The following MGAT4C variants were observed in gnomAD, a reference collection of about 807,000 sequenced individuals.
MGAT4C encodes MGAT4 family member C, also known as alpha-1,3-mannosyl-glycoprotein 4-beta-N-acetylglucosaminyltransferase C.
In MGAT4C, 19 loss-of-function variants were observed where a neutral mutation model predicts 40.1. That is an observed-to-expected ratio of 0.47 (90% CI 0.33 to 0.70). The LOEUF is 0.70. Among genes scored for constraint, MGAT4C ranks in the 30% least tolerant of loss-of-function variants. MGAT4C has a pLI of 0.02. For synonymous variants in MGAT4C, 181 were observed against 187.1 expected, an observed-to-expected ratio of 0.97 and a Z score of 0.27; for missense variants, 491 against 563.2, an observed-to-expected ratio of 0.87 and a Z score of 1.30.
intron 2 of MGAT4C, among the ~76,000 whole-genome samples, chr12:86,040,864 C>T (rs559966044): frequency 6.6e-6 from 1 of 152,284 alleles, no homozygotes; most frequent in Admixed American, 6.5e-5. Flanking sequence ...TTGCGAAAAC[C>T]ATGGGAAAGC....
chr12:86,494,841 A>T (rs1274145329), intron 2 of MGAT4C, among the ~76,000 whole-genome samples: 1 of 152,088 alleles, frequency 6.6e-6, no homozygotes, highest in African/African-American at 2.4e-5. Flanking sequence ...AGTAAAACAT[A>T]AAGTGTTCTT....
intron 2 of MGAT4C, among the ~76,000 whole-genome samples, chr12:86,648,405 T>C (rs1593077550): frequency 6.6e-6 from 1 of 151,888 alleles, no homozygotes; most frequent in African/African-American, 2.4e-5. Flanking sequence ...TGTAATATTA[T>C]TTGGTGATGG....
intron 2 of MGAT4C, among the ~76,000 whole-genome samples, chr12:86,485,542 G>T (rs756192660): frequency 6.6e-6 from 1 of 151,998 alleles, no homozygotes; most frequent in Admixed American, 6.6e-5. Flanking sequence ...ATAAAGAAAA[G>T]AAATTTAATG....
chr12:86,604,223 C>T (rs1317760852), intron 2 of MGAT4C, among the ~76,000 whole-genome samples: 1 of 152,052 alleles, frequency 6.6e-6, no homozygotes, highest in East Asian at 1.9e-4. Flanking sequence ...AGAAGTTGGG[C>T]TTGGGAGAAC....
Position 86,210,201 on chromosome 12 carries a change from C to T in MGAT4C, c.-57+46038G>A, listed in dbSNP as rs150978235. Among the ~76,000 whole-genome samples the T allele has an allele frequency of 2.1e-4, 32 of 152,142 alleles. No individual in the cohort carries two copies. In the East Asian group the frequency reaches 3.5e-3, roughly 17 times the overall value. ...AGATACATATAGTAGTTTTTTTCAA[C>T]GGATATTCCATAATCAAGTTGTGGT... is the stretch of plus-strand genomic sequence containing the variant. On this transcript the variant is annotated intron_variant, in intron 1 of 4. Coordinates refer to ENST00000611864, the MANE Select transcript of MGAT4C (RefSeq NM_001351288.2).
At chr12:86,118,174 G>T (rs1878743186) in intron 1 of MGAT4C, among the ~76,000 whole-genome samples, 1 of 151,624 alleles carries the variant, frequency 6.6e-6, no homozygotes, top group South Asian at 2.1e-4. Flanking sequence ...TCCTAGTGTA[G>T]CTGGACACTG....
intron 2 of MGAT4C, among the ~76,000 whole-genome samples, chr12:86,521,283 C>T (rs947004442): frequency 9.2e-5 from 14 of 152,232 alleles, no homozygotes; most frequent in African/African-American, 3.1e-4. Context: ...CAATCTTCCT[C>T]GTTTTGCTAA....
At chr12:86,128,979 G>A (rs186621432) in intron 1 of MGAT4C, among the ~76,000 whole-genome samples, 2 of 152,194 alleles carry the variant, frequency 1.3e-5, no homozygotes, top group Non-Finnish European at 2.9e-5. Context: ...TCAGTCGGCT[G>A]TAAGTATTTG....
intron 3 of MGAT4C, among the ~76,000 whole-genome samples, chr12:86,402,865 GAAGT>G (rs1956395914): frequency 6.6e-6 from 1 of 152,064 alleles, no homozygotes; most frequent in African/African-American, 2.4e-5. Context: ...AAACTTTACT[GAAGT>G]AAGAAAAAGT....
chr12:86,476,636 A>C (rs1173809557), intron 2 of MGAT4C, among the ~76,000 whole-genome samples: 1 of 152,172 alleles, frequency 6.6e-6, no homozygotes, highest in African/African-American at 2.4e-5. Flanking sequence ...TTGTATGTTA[A>C]TTGCAGAGCT....
At chr12:86,411,238 A>G (rs1956597345) in intron 3 of MGAT4C, among the ~76,000 whole-genome samples, 1 of 152,214 alleles carries the variant, frequency 6.6e-6, no homozygotes, top group Non-Finnish European at 1.5e-5. Flanking sequence ...TAATGGACAG[A>G]GGTTGGAACA....
At chr12:86,669,056 C>T (rs1964186468) in intron 2 of MGAT4C, among the ~76,000 whole-genome samples, 1 of 152,108 alleles carries the variant, frequency 6.6e-6, no homozygotes, top group African/African-American at 2.4e-5. Flanking sequence ...GACCAACAAC[C>T]CGAGCCACAC....
Position 85,983,632 on chromosome 12 carries a change from A to C in MGAT4C, c.186T>G (p.His62Gln). ...DKQLIRETST[H>Q]QLNSERYVHT... The stretch of plus-strand genomic sequence containing the variant: ...GAACATAGCGTTCTGAATTCAGTTG[A>C]TGTGTGGATGTTTCCCTTATAAGTT... Residue 62 changes from histidine (H) to glutamine (Q), a missense_variant, in exon 4 of 5, where the codon CAT (histidine) becomes CAG (glutamine). By Grantham distance (24) the His-to-Gln change is conservative. Coordinates refer to ENST00000611864, the MANE Select transcript of MGAT4C (RefSeq NM_001351288.2). The C allele has an allele frequency of 6.3e-7, 1 of 1,594,760 alleles. No homozygotes were observed. The highest frequency in any genetic ancestry group is 8.5e-7 in the Non-Finnish European group (1 of 1,171,670).
intron 2 of MGAT4C, among the ~76,000 whole-genome samples, chr12:86,603,821 A>T (rs919347172): frequency 7.1e-6 from 1 of 141,646 alleles, no homozygotes; most frequent in African/African-American, 2.6e-5. Flanking sequence ...ATATAATAAT[A>T]GTAAATATAG....
chr12:86,787,925 C>T (rs1032061975), intron 1 of MGAT4C, among the ~76,000 whole-genome samples: 3 of 151,984 alleles, frequency 2.0e-5, no homozygotes, highest in African/African-American at 4.8e-5. Flanking sequence ...GAGTAAAAGA[C>T]TGCAGTTAGG....
At chr12:86,530,850 A>T (rs1356332118) in intron 2 of MGAT4C, among the ~76,000 whole-genome samples, 1 of 152,110 alleles carries the variant, frequency 6.6e-6, no homozygotes, top group Non-Finnish European at 1.5e-5. Flanking sequence ...CTCCATTAGG[A>T]ATAAGACCAT....
chr12:86,601,458 T>C (rs1272197791), intron 2 of MGAT4C, among the ~76,000 whole-genome samples: 1 of 152,056 alleles, frequency 6.6e-6, no homozygotes, highest in Non-Finnish European at 1.5e-5. Context: ...CTCAAGCCCC[T>C]GGGGACTACT....
chr12:86,590,589 C>T (rs1961290467), intron 2 of MGAT4C, among the ~76,000 whole-genome samples: 1 of 151,780 alleles, frequency 6.6e-6, no homozygotes, highest in African/African-American at 2.4e-5. Flanking sequence ...TCCCTATTTT[C>T]AAAAAATATA....
rs372589059 is a variant in MGAT4C, at chr12:85,971,857, G to T, written c.*7432C>A. The T allele has an allele frequency of 6.6e-6, 1 of 151,070 alleles. No homozygotes were observed. Among genetic ancestry groups the T allele is most frequent in the African/African-American group, 2.4e-5 (1 of 41,302 alleles). The allele number at this position is 151,070 out of a possible 1,614,324, so 9.4% of individuals were successfully genotyped here. ...TTTACACATCTGGATGCTCAGAAAG[G>T]CCTCCTTACCACAATAATTGAAAGG... On this transcript the variant is annotated 3_prime_UTR_variant, in exon 5 of 5. Transcript: ENST00000611864.
Sources: allele counts gnomAD v4.1 joint callset (sites outside exome capture counted in the v4.1 genomes callset), GRCh38; gene constraint gnomAD v4.1.1; transcripts MANE v1.5; gene names NCBI Gene and HGNC (gene_info 2026-07-23, HGNC 2026-07-21).